The following TSPAN18 variants were observed in gnomAD, a reference collection of about 807,000 sequenced individuals.
TSPAN18 encodes tetraspanin 18.
Under a neutral mutation model 27.3 loss-of-function variants are expected in TSPAN18, and 14 were observed. That is an observed-to-expected ratio of 0.51 (90% CI 0.34 to 0.80). The LOEUF (loss-of-function observed/expected upper bound fraction) is 0.80. Among genes scored for constraint, TSPAN18 ranks in the 30% least tolerant of loss-of-function variants. TSPAN18 has a pLI of 0.01. For synonymous variants in TSPAN18, 143 were observed against 136.5 expected, an observed-to-expected ratio of 1.05 and a Z score of -0.33; for missense variants, 268 against 323.9, an observed-to-expected ratio of 0.83 and a Z score of 1.32.
At chr11:44,818,522 T>A (rs1365756602) in intron 2 of TSPAN18, among the ~76,000 whole-genome samples, 2 of 152,210 alleles carry the variant, frequency 1.3e-5, no homozygotes, top group African/African-American at 4.8e-5. Flanking sequence ...CCCAGCGTCC[T>A]GCATTTGTCT....
intron 3 of TSPAN18, among the ~76,000 whole-genome samples, chr11:44,882,587 G>GAGACACACACACAC (rs1554997009): frequency 4.6e-5 from 6 of 130,770 alleles, no homozygotes; most frequent in African/African-American, 1.8e-4. Flanking sequence ...CAGAGAGAGA[G>GAGACACACACACAC]ACACACACAC....
chr11:44,877,205 C>T (rs372725582), intron 3 of TSPAN18, among the ~76,000 whole-genome samples: 7 of 152,378 alleles, frequency 4.6e-5, no homozygotes, highest in African/African-American at 1.7e-4. Flanking sequence ...TGGTTTCCTA[C>T]GACGTCTGCA....
At chr11:44,779,743 A>C (rs1855893936) in intron 2 of TSPAN18, among the ~76,000 whole-genome samples, 1 of 152,052 alleles carries the variant, frequency 6.6e-6, no homozygotes. Flanking sequence ...CACCCCCCAC[A>C]TACCTGTGCA....
At chr11:44,823,163 C>T (rs1288899912) in intron 2 of TSPAN18, among the ~76,000 whole-genome samples, 1 of 152,234 alleles carries the variant, frequency 6.6e-6, no homozygotes, top group Non-Finnish European at 1.5e-5. Flanking sequence ...AACGCCCCCC[C>T]ACTGCCCAGG....
At chr11:44,736,364 T>G (rs754777845) in intron 1 of TSPAN18, 1 of 152,204 alleles carries the variant, frequency 6.6e-6, no homozygotes, top group Non-Finnish European at 1.5e-5. Flanking sequence ...ATTGTTTGAG[T>G]TGACCGAATG....
chr11:44,913,729 A>G (rs1859806817), intron 5 of TSPAN18, among the ~76,000 whole-genome samples: 1 of 152,250 alleles, frequency 6.6e-6, no homozygotes, highest in African/African-American at 2.4e-5. Context: ...ACTAGACAAC[A>G]TAGCAGTTTC....
intron 2 of TSPAN18, among the ~76,000 whole-genome samples, chr11:44,810,310 C>T (rs912930535): frequency 2.0e-5 from 3 of 152,144 alleles, no homozygotes; most frequent in African/African-American, 4.8e-5. Flanking sequence ...CTCAGCCCTT[C>T]GCAACCACCA....
At chr11:44,799,835 T>G (rs1412638787) in intron 2 of TSPAN18, among the ~76,000 whole-genome samples, 1 of 152,072 alleles carries the variant, frequency 6.6e-6, no homozygotes, top group Admixed American at 6.5e-5. Flanking sequence ...TTGGCAAGTA[T>G]TTATTTATTT....
At chr11:44,867,791 C>T (rs1242267337) in intron 3 of TSPAN18, among the ~76,000 whole-genome samples, 3 of 152,106 alleles carry the variant, frequency 2.0e-5, no homozygotes, top group Non-Finnish European at 2.9e-5. Context: ...TGCAAAGTCC[C>T]TGGGGCATGA....
chr11:44,882,176 TC>T (rs1858505790), intron 3 of TSPAN18, among the ~76,000 whole-genome samples: 1 of 152,102 alleles, frequency 6.6e-6, no homozygotes, highest in African/African-American at 2.4e-5. Context: ...CTGGACAGCC[TC>T]ATCCTAAAGC....
intron 2 of TSPAN18, among the ~76,000 whole-genome samples, chr11:44,764,796 G>A (rs1414273023): frequency 1.3e-5 from 2 of 152,122 alleles, no homozygotes; most frequent in East Asian, 1.9e-4. Flanking sequence ...GCTCCTGGGG[G>A]CTCCAGGCAG....
intron 3 of TSPAN18, chr11:44,897,609 T>C (rs1001226287): frequency 9.3e-5 from 39 of 417,602 alleles, no homozygotes; most frequent in African/African-American, 5.6e-4. Context: ...GAGCTTTTCA[T>C]GAGCTCTAAT....
chr11:44,729,197 G>A (rs1381567607), intron 1 of TSPAN18, among the ~76,000 whole-genome samples: 2 of 152,258 alleles, frequency 1.3e-5, no homozygotes, highest in Admixed American at 6.5e-5. Flanking sequence ...AAAGGAAAGG[G>A]TGGAGAAGCC....
rs1860064731 is a variant in TSPAN18 at position 44,919,962 on chromosome 11, A to C, written c.578A>C (p.Glu193Ala). 1 of 1,613,900 alleles carries C rather than the reference A, an allele frequency of 6.2e-7. No individual in the cohort carries two copies. Among genetic ancestry groups the C allele is most frequent in the African/African-American group, 1.3e-5 (1 of 74,894 alleles). Residue 193 changes from glutamate (E) to alanine (A), a missense_variant, in exon 8 of 10, where the codon GAG (glutamate) becomes GCG (alanine). Physicochemically the swap from Glu to Ala is moderately radical, Grantham distance 107. Transcript: ENST00000520358. ...SRDGVLLSREECLLGRSLFLN... is the reference protein window; with the variant it reads ...SRDGVLLSREACLLGRSLFLN... ...GACGGGGTCCTGCTGAGCCGGGAGG[A>C]GTGCCTCCTGGGAAGGAGCCTATTC...
At chr11:44,919,184 C>T in intron 6 of TSPAN18, 30 bp from the exon 7 acceptor site, 3 of 1,587,882 alleles carry the variant, frequency 1.9e-6, no homozygotes, top group East Asian at 4.5e-5. Context: ...AACTGCCAGG[C>T]CTAAGCCCAT....
In TSPAN18 at chr11:44,908,822, A is replaced by AGGAAAGAAAGAAAGAAAG. The variant is rs147716789; in HGVS notation, c.64-882_64-881insGAAAGAAAGAAAGAAAGG. On this transcript the variant is annotated intron_variant, in intron 4 of 9. Transcript: ENST00000520358. ...AAGAAAGAAAGAAAGAAAGAAAGAA[A>AGGAAAGAAAGAAAGAAAG]GAAAGAAAAAGAAAAATGGAGCAGA... Among the ~76,000 whole-genome samples the AGGAAAGAAAGAAAGAAAG allele has an allele frequency of 9.9e-5, 11 of 111,536 alleles. 2 individuals carry two copies. The highest frequency in any genetic ancestry group is 4.4e-4 in the African/African-American group (11 of 24,864). 73.2% of individuals were successfully genotyped at this position (111,536 alleles called of 152,430 possible).
intron 2 of TSPAN18, among the ~76,000 whole-genome samples, chr11:44,812,696 C>T (rs1256151777): frequency 6.6e-6 from 1 of 152,162 alleles, no homozygotes; most frequent in Non-Finnish European, 1.5e-5. Flanking sequence ...ATCATTAAGG[C>T]ACAGACCAGG....
intron 1 of TSPAN18, among the ~76,000 whole-genome samples, chr11:44,731,629 T>TGAGAGA (rs1192833022): frequency 4.4e-3 from 274 of 62,222 alleles, no homozygotes; most frequent in African/African-American, 0.011. Context: ...TGTGTGTGTG[T>TGAGAGA]GTGTGAGAGA....
intron 2 of TSPAN18, among the ~76,000 whole-genome samples, chr11:44,797,241 C>A (rs112336033): frequency 1.1e-4 from 17 of 152,264 alleles, no homozygotes; most frequent in African/African-American, 3.8e-4. Flanking sequence ...CAGATGAGAA[C>A]CGAGAGGTTC....
Sources: gnomAD v4.1 joint callset for allele counts (sites outside exome capture counted in the v4.1 genomes callset) on GRCh38, gnomAD v4.1.1 for gene constraint, MANE v1.5 for transcripts, NCBI Gene and HGNC (gene_info 2026-07-23, HGNC 2026-07-21) for gene names.